The following PSIP1 variants were observed in gnomAD, a reference collection of about 807,000 sequenced individuals.
PSIP1 encodes the protein PC4 and SFRS1-interacting protein.
In PSIP1, 19 loss-of-function variants were observed where a neutral mutation model predicts 74.7. That is an observed-to-expected ratio of 0.25 (90% CI 0.18 to 0.37). The LOEUF (loss-of-function observed/expected upper bound fraction) is 0.37. Ranked by LOEUF, PSIP1 falls within the 10% of genes least tolerant of loss-of-function variation. The probability of loss-of-function intolerance (pLI) is 1.00; values close to 1 mark genes in which losing one functional copy is unlikely to be tolerated. For missense variants in PSIP1, 601 were observed against 614.3 expected (o/e 0.98, Z 0.23); for synonymous variants, 222 against 195.3 (o/e 1.14, Z -1.14).
In PSIP1 at chr9:15,473,968, C is replaced by T. The variant is rs376606851; in HGVS notation, c.858+41G>A. 156 of 1,096,550 alleles carry T rather than the reference C, an allele frequency of 1.4e-4. 1 individual carries two copies. The highest frequency in any genetic ancestry group is 4.8e-5 in the Admixed American group (2 of 41,376). The allele number at this position is 1,096,550 out of a possible 1,614,324, so 67.9% of individuals were successfully genotyped here. ...AAAAAACAAAAAATATATATATAAA[C>T]TAAGAATAGAACAGCCATTTTATAT... On this transcript the variant is annotated intron_variant, in intron 9 of 15. Transcript: ENST00000380733.
At chr9:15,466,946 C>T in intron 14 of PSIP1, 87 bp from the exon 15 acceptor site, 1 of 930,564 alleles carries the variant, frequency 1.1e-6, no homozygotes, top group Non-Finnish European at 1.7e-6. Flanking sequence ...AATCAAAATA[C>T]AACATGGCCA....
At chr9:15,485,678 T>A (rs963386812) in intron 6 of PSIP1, among the ~76,000 whole-genome samples, 32 of 152,220 alleles carry the variant, frequency 2.1e-4, no homozygotes, top group African/African-American at 7.5e-4. Context: ...GGATTTAGCA[T>A]AAACATTTCA....
intron 4 of PSIP1, among the ~76,000 whole-genome samples, chr9:15,488,390 GCTT>G (rs1227313975): frequency 6.6e-6 from 1 of 151,992 alleles, no homozygotes; most frequent in Non-Finnish European, 1.5e-5. Context: ...TTGCTACCTC[GCTT>G]CTTTAGATTT....
chr9:15,500,577 G>A (rs576590578), intron 3 of PSIP1, among the ~76,000 whole-genome samples: 101 of 152,246 alleles, frequency 6.6e-4, no homozygotes, highest in Non-Finnish European at 9.4e-4. Flanking sequence ...AACTTGTACA[G>A]AAGAACTAGT....
chr9:15,505,415 T>C (rs954444639), intron 3 of PSIP1: 1 of 152,220 alleles, frequency 6.6e-6, no homozygotes, highest in Admixed American at 6.5e-5. Flanking sequence ...CAGAAACTTA[T>C]CACTTCTTAA....
chr9:15,493,873 T>C (rs1485741673), intron 3 of PSIP1, among the ~76,000 whole-genome samples: 1 of 152,178 alleles, frequency 6.6e-6, no homozygotes. Context: ...AGGTGTAATT[T>C]GGGTGGGGAC....
chr9:15,505,578 C>T (rs186247435), intron 3 of PSIP1: 1 of 152,128 alleles, frequency 6.6e-6, no homozygotes, highest in Non-Finnish European at 1.5e-5. Context: ...ACTGGTAAGT[C>T]TATACAGACA....
rs1048637536 is a variant in PSIP1, at chr9:15,466,683, C to A, written c.1532+65G>T. The A allele has an allele frequency of 3.9e-6, 5 of 1,286,850 alleles. No homozygotes were observed. In the African/African-American group the frequency reaches 7.6e-5, roughly 20 times the overall value. The allele number at this position is 1,286,850 out of a possible 1,614,324, so 79.7% of individuals were successfully genotyped here. On this transcript the variant is annotated intron_variant, in intron 15 of 15. Transcript: ENST00000380733. The stretch of plus-strand genomic sequence containing the variant: ...TTATTATAGTAAGATAACCTTGGAA[C>A]AGAACTGTGATTAAAAACCTGAATA...
At position 15,464,284 on chromosome 9, in the gene PSIP1, A is replaced by G. The variant is rs745727633; in HGVS notation, c.*1236T>C. 5.1e-6 allele frequency: 1 copy of G among 195,232 alleles called. No homozygotes were observed. 12.1% of individuals were successfully genotyped at this position (195,232 alleles called of 1,614,324 possible). The stretch of plus-strand genomic sequence containing the variant: ...TGAAAACAGTTATCTCAGAGGGTCA[A>G]CCACACAATGTCATACAGAGACGCT... On this transcript the variant is annotated 3_prime_UTR_variant, in exon 16 of 16. Coordinates refer to ENST00000380733, the MANE Select transcript of PSIP1 (RefSeq NM_033222.5).
At chr9:15,468,539 C>T (rs1194577228) in intron 14 of PSIP1, 91 bp downstream of exon 14, 26 of 1,333,438 alleles carry the variant, frequency 1.9e-5, no homozygotes, top group Non-Finnish European at 2.5e-5. Context: ...GGCGTATACA[C>T]AGTGAAACTA....
At chr9:15,497,098 T>G (rs1363460472) in intron 3 of PSIP1, among the ~76,000 whole-genome samples, 1 of 152,242 alleles carries the variant, frequency 6.6e-6, no homozygotes, top group South Asian at 2.1e-4. Flanking sequence ...ACAAAAAAAC[T>G]TGGACACAAA....
At chr9:15,505,973 G>C (rs960245181) in intron 3 of PSIP1, 1 of 152,208 alleles carries the variant, frequency 6.6e-6, no homozygotes, top group African/African-American at 2.4e-5. Context: ...TAGGTACATA[G>C]GAACATTCTT....
rs776179531 is a variant in PSIP1, at chr9:15,465,519, C to A, written c.*1G>T. On this transcript the variant is annotated 3_prime_UTR_variant, in exon 16 of 16. Transcript: ENST00000380733. ...GTTCTCTATATTCCAGGTATGTCAA[C>A]CTAGTTATCTAGTGTAGAATCCTTC... The A allele has an allele frequency of 6.4e-7, 1 of 1,553,058 alleles. No individual in the cohort carries two copies. Among genetic ancestry groups the A allele is most frequent in the Non-Finnish European group, 8.8e-7 (1 of 1,133,038 alleles).
intron 7 of PSIP1, 33 bp from the exon 8 acceptor site, chr9:15,478,585 A>G (rs1303836031): frequency 7.4e-7 from 1 of 1,350,142 alleles, no homozygotes; most frequent in East Asian, 2.3e-5. Flanking sequence ...ATCAGTAACT[A>G]CTAGTTTCTA....
intron 14 of PSIP1, 71 bp downstream of exon 14, chr9:15,468,559 G>A: frequency 2.7e-6 from 4 of 1,495,962 alleles, no homozygotes; most frequent in South Asian, 2.3e-5. Flanking sequence ...ATGTATGAAA[G>A]CCATTTTTAA....
intron 3 of PSIP1, among the ~76,000 whole-genome samples, chr9:15,503,083 C>T (rs186006845): frequency 5.4e-4 from 83 of 152,302 alleles, no homozygotes; most frequent in Non-Finnish European, 9.7e-4. Context: ...AAAGTTCAAA[C>T]AGGCCAGGCA....
chr9:15,495,430 G>C (rs549700625), intron 3 of PSIP1, among the ~76,000 whole-genome samples: 1 of 152,166 alleles, frequency 6.6e-6, no homozygotes, highest in Non-Finnish European at 1.5e-5. Context: ...AAATTTGTCA[G>C]AATATTAAGT....
chr9:15,466,889 G>T, intron 14 of PSIP1, 30 bp from the exon 15 acceptor site: 3 of 1,546,476 alleles, frequency 1.9e-6, no homozygotes, highest in Non-Finnish European at 2.7e-6. Context: ...GAAAAACTTT[G>T]TTAAAGCTTA....
At chr9:15,491,504 C>T (rs961701477) in intron 3 of PSIP1, among the ~76,000 whole-genome samples, 10 of 152,156 alleles carry the variant, frequency 6.6e-5, no homozygotes, top group African/African-American at 9.7e-5. Flanking sequence ...TAGGTACATT[C>T]GCAAATATGG....
Sources: gnomAD v4.1 joint callset for allele counts (sites outside exome capture counted in the v4.1 genomes callset) on GRCh38, gnomAD v4.1.1 for gene constraint, MANE v1.5 for transcripts, NCBI Gene and HGNC (gene_info 2026-07-23, HGNC 2026-07-21) for gene names.